The following SEZ6L variants were observed in gnomAD, a reference collection of about 807,000 sequenced individuals.
SEZ6L encodes the protein seizure 6-like protein.
SEZ6L carries 37 observed loss-of-function variants against 106.2 expected under a neutral mutation model. The ratio of observed to expected loss-of-function variants is 0.35; its 90% CI spans 0.27 to 0.46. SEZ6L has a LOEUF of 0.46. Ranked by LOEUF, SEZ6L falls within the 20% of genes least tolerant of loss-of-function variation. The pLI, the probability that SEZ6L is intolerant of heterozygous loss-of-function variation, is 1.00. For missense variants in SEZ6L, 1,172 were observed against 1,332.8 expected, an observed-to-expected ratio of 0.88 and a Z score of 1.88; for synonymous variants, 541 against 570.4, an observed-to-expected ratio of 0.95 and a Z score of 0.73.
At chr22:26,306,170 AC>A in intron 6 of SEZ6L, 26 bp downstream of exon 6, 1 of 1,606,172 alleles carries the variant, frequency 6.2e-7, no homozygotes, top group Non-Finnish European at 8.5e-7. Flanking sequence ...TCCACACCCA[AC>A]CCCGTTTCTT....
intron 1 of SEZ6L, among the ~76,000 whole-genome samples, chr22:26,254,631 A>G (rs2079742985): frequency 6.6e-6 from 1 of 152,124 alleles, no homozygotes; most frequent in East Asian, 1.9e-4. Context: ...AAATAAATAA[A>G]TAACACATGT....
At chr22:26,202,959 C>G (rs1033611285) in intron 1 of SEZ6L, among the ~76,000 whole-genome samples, 3 of 152,198 alleles carry the variant, frequency 2.0e-5, no homozygotes, top group African/African-American at 4.8e-5. Flanking sequence ...ACAAAGTTTC[C>G]ATATATTGCA....
At chr22:26,321,215 A>C (rs1007102479) in intron 9 of SEZ6L, among the ~76,000 whole-genome samples, 1 of 152,198 alleles carries the variant, frequency 6.6e-6, no homozygotes, top group African/African-American at 2.4e-5. Flanking sequence ...TCCATTTTCC[A>C]GATGAGTAAA....
Position 26,380,367 on chromosome 22 carries a change from T to A in SEZ6L, c.*72T>A. The A allele has an allele frequency of 4.7e-6, 6 of 1,279,244 alleles. No homozygotes were observed. The highest frequency in any genetic ancestry group is 6.8e-6 in the Non-Finnish European group (6 of 881,674). The allele number at this position is 1,279,244 out of a possible 1,614,324, so 79.2% of individuals were successfully genotyped here. A position where few individuals can be genotyped will look rare whatever the true frequency, so the allele number is the denominator to read the frequency against. The stretch of plus-strand genomic sequence containing the variant: ...CCTCGAGACATTCATCCAGAGACCA[T>A]GTGGCACTTGATTGAAACCCCAGAA... On this transcript the variant is annotated 3_prime_UTR_variant, in exon 17 of 17. Coordinates refer to ENST00000248933, the MANE Select transcript of SEZ6L (RefSeq NM_021115.5).
intron 1 of SEZ6L, among the ~76,000 whole-genome samples, chr22:26,241,707 C>T (rs931453503): frequency 5.2e-4 from 79 of 152,282 alleles, no homozygotes; most frequent in African/African-American, 1.9e-3. Flanking sequence ...CATTTCATTA[C>T]ATTTTAAAAA....
chr22:26,347,710 C>T lies in SEZ6L; in HGVS notation c.2213-9C>T, dbSNP rs769623634. 3.8e-6 allele frequency: 6 copies of T among 1,594,838 alleles called. No homozygotes were observed. In the South Asian group the frequency reaches 6.9e-5, roughly 18 times the overall value. On this transcript the variant is annotated splice_polypyrimidine_tract_variant and intron_variant, in intron 10 of 16. Coordinates refer to ENST00000248933, the MANE Select transcript of SEZ6L (RefSeq NM_021115.5). ...TCCCCCATCTAAGACTGACGTTTCT[C>T]TTTTAAAGAGGTATCAAGGAATGAC... is the stretch of plus-strand genomic sequence containing the variant.
At position 26,220,892 on chromosome 22, in the gene SEZ6L, AATGGATGGATGG is replaced by A. The variant is rs56187164; in HGVS notation, c.94+51154_94+51165del. ...TACATCACACAATAAATACTGTATG[AATGGATGGATGG>A]ATGGATGGATGGATGGATGGATGGG... is the stretch of plus-strand genomic sequence containing the variant. On this transcript the variant is annotated intron_variant, in intron 1 of 16. Coordinates refer to ENST00000248933, the MANE Select transcript of SEZ6L (RefSeq NM_021115.5). Among the ~76,000 whole-genome samples the A allele has an allele frequency of 1.7e-4, 25 of 149,364 alleles. No individual in the cohort carries two copies. The South Asian group carries it at 2.2e-3, about 13-fold the overall frequency.
At chr22:26,329,521 T>C (rs73404618) in intron 9 of SEZ6L, among the ~76,000 whole-genome samples, 1,560 of 152,316 alleles carry the variant, frequency 0.01, 30 homozygotes, top group African/African-American at 0.035. Flanking sequence ...AGGTGTCCTA[T>C]TAGGGAGCCA....
At chr22:26,330,530 T>C (rs968804435) in intron 9 of SEZ6L, among the ~76,000 whole-genome samples, 1 of 152,164 alleles carries the variant, frequency 6.6e-6, no homozygotes, top group Non-Finnish European at 1.5e-5. Flanking sequence ...GAGACTAGCA[T>C]GAGCTAAGGC....
chr22:26,253,237 C>T (rs2079668793), intron 1 of SEZ6L, among the ~76,000 whole-genome samples: 1 of 152,186 alleles, frequency 6.6e-6, no homozygotes, highest in South Asian at 2.1e-4. Flanking sequence ...CTTTGACCAC[C>T]AGGATACCCT....
At chr22:26,224,490 T>C (rs1012083458) in intron 1 of SEZ6L, among the ~76,000 whole-genome samples, 1 of 152,148 alleles carries the variant, frequency 6.6e-6, no homozygotes, top group Non-Finnish European at 1.5e-5. Flanking sequence ...CTATGTGTAA[T>C]GGGAAGTCTT....
rs2084453761 is a variant in SEZ6L at position 26,382,888 on chromosome 22, C to A, written c.*2593C>A. On this transcript the variant is annotated 3_prime_UTR_variant, in exon 17 of 17. Transcript: ENST00000248933. ...CTCGAGAATGGACTGAGCCTTCCTA[C>A]AAGCCACTCTTTGTTTTTAAAACAG... 1 of 152,150 alleles carries A rather than the reference C, an allele frequency of 6.6e-6. No homozygotes were observed. The highest frequency in any genetic ancestry group is 2.4e-5 in the African/African-American group (1 of 41,442). The allele number at this position is 152,150 out of a possible 1,614,324, so 9.4% of individuals were successfully genotyped here.
intron 12 of SEZ6L, among the ~76,000 whole-genome samples, chr22:26,364,131 T>C (rs1181412013): frequency 1.3e-5 from 2 of 152,158 alleles, no homozygotes; most frequent in Non-Finnish European, 2.9e-5. Context: ...GTTAAGATGG[T>C]TAGTTTTATG....
chr22:26,375,112 C>A (rs1217673446), intron 14 of SEZ6L, among the ~76,000 whole-genome samples: 1 of 152,146 alleles, frequency 6.6e-6, no homozygotes, highest in South Asian at 2.1e-4. Context: ...TGACCACCAG[C>A]ACCGTTCAAC....
At chr22:26,361,811 G>C (rs1324905500) in intron 12 of SEZ6L, among the ~76,000 whole-genome samples, 1 of 152,064 alleles carries the variant, frequency 6.6e-6, no homozygotes, top group Non-Finnish European at 1.5e-5. Context: ...TCTGCAATTT[G>C]CCTTTAAATG....
chr22:26,319,385 G>T (rs2082092025), intron 9 of SEZ6L, among the ~76,000 whole-genome samples: 1 of 152,192 alleles, frequency 6.6e-6, no homozygotes, highest in Admixed American at 6.5e-5. Flanking sequence ...TCTGCTCAAA[G>T]TTCTGCAATA....
intron 14 of SEZ6L, among the ~76,000 whole-genome samples, chr22:26,374,026 C>A (rs2012784): frequency 0.46 from 69,381 of 151,820 alleles, 17,219 homozygotes; most frequent in East Asian, 0.94. Context: ...TAAAATCTAT[C>A]CAGGATTTTA....
chr22:26,282,913 A>G (rs920387967), intron 1 of SEZ6L, among the ~76,000 whole-genome samples: 1 of 152,056 alleles, frequency 6.6e-6, no homozygotes, highest in African/African-American at 2.4e-5. Flanking sequence ...TGGCTGAGCA[A>G]TGAGCAATGC....
chr22:26,267,202 G>A (rs761638954), intron 1 of SEZ6L, among the ~76,000 whole-genome samples: 33 of 152,302 alleles, frequency 2.2e-4, no homozygotes, highest in Middle Eastern at 6.8e-3. Flanking sequence ...TTGAGGTCAC[G>A]ATGGCTAACT....
Sources: gnomAD v4.1 joint callset for allele counts (sites outside exome capture counted in the v4.1 genomes callset) on GRCh38, gnomAD v4.1.1 for gene constraint, MANE v1.5 for transcripts, NCBI Gene and HGNC (gene_info 2026-07-23, HGNC 2026-07-21) for gene names.